Variants in ERICH3 observed in about 807,000 individuals in gnomAD.
ERICH3 encodes glutamate rich 3.
In ERICH3, 126 loss-of-function variants were observed where a neutral mutation model predicts 131.1. The ratio of observed to expected loss-of-function variants is 0.96; its 90% confidence interval spans 0.83 to 1.11. ERICH3 has a LOEUF of 1.11. Among genes scored for constraint, ERICH3 ranks in the 50% most tolerant of loss-of-function variants. ERICH3 has a pLI of 0.00. For synonymous variants in ERICH3, 695 were observed against 644.6 expected (o/e 1.08, Z -1.18); for missense variants, 2,050 against 1,810.7 (o/e 1.13, Z -2.40).
At chr1:74,604,833 G>A (rs1265585597) in intron 10 of ERICH3, among the ~76,000 whole-genome samples, 4 of 151,852 alleles carry the variant, frequency 2.6e-5, no homozygotes, top group Non-Finnish European at 4.4e-5. Context: ...AAGGCTTAAG[G>A]GCCCTAGGAT....
intron 6 of ERICH3, among the ~76,000 whole-genome samples, chr1:74,635,431 T>C (rs534916045): frequency 1.3e-5 from 2 of 152,314 alleles, no homozygotes; most frequent in Admixed American, 1.3e-4. Context: ...TGAAACACAA[T>C]CACTTGTCTG....
intron 6 of ERICH3, among the ~76,000 whole-genome samples, chr1:74,634,010 C>T (rs1646364780): frequency 6.6e-6 from 1 of 152,046 alleles, no homozygotes; most frequent in Non-Finnish European, 1.5e-5. Flanking sequence ...TGCTACTTAG[C>T]AAAGTTCAAC....
rs959129422 is a variant in ERICH3 at position 74,646,787 on chromosome 1, T to C, written c.123A>G (p.Thr41=). The change falls in exon 3 of 15, where the codon ACA becomes ACG. Residue 41 remains threonine (T), a synonymous_variant. Coordinates refer to ENST00000326665, the MANE Select transcript of ERICH3 (RefSeq NM_001002912.5). The part of the protein sequence containing the change: ...RRHLLRSGLI[T]RSGRILSEKE... ...TTTCAGAAAGTATTCTTCCACTTCT[T>C]GTGATCTGTCATGAATAAATAAAAT... The C allele has an allele frequency of 5.5e-6, 8 of 1,466,348 alleles. No individual in the cohort carries two copies. Among genetic ancestry groups the C allele is most frequent in the African/African-American group, 1.4e-5 (1 of 70,282 alleles). The allele number at this position is 1,466,348 out of a possible 1,614,324, so 90.8% of individuals were successfully genotyped here.
At chr1:74,654,436 G>C (rs761486666) in intron 1 of ERICH3, among the ~76,000 whole-genome samples, 10 of 151,946 alleles carry the variant, frequency 6.6e-5, no homozygotes, top group Non-Finnish European at 1.0e-4. Context: ...TTTCTTTGGG[G>C]CTGCTCTAAC....
chr1:74,635,097 C>T (rs1347766144), intron 6 of ERICH3, among the ~76,000 whole-genome samples: 1 of 152,022 alleles, frequency 6.6e-6, no homozygotes, highest in South Asian at 2.1e-4. Context: ...GTTTTGAGTT[C>T]GTTTAGTTAG....
At chr1:74,580,454 T>C (rs1557666637) in intron 12 of ERICH3, among the ~76,000 whole-genome samples, 1 of 152,208 alleles carries the variant, frequency 6.6e-6, no homozygotes, top group South Asian at 2.1e-4. Flanking sequence ...TCCTGGAATA[T>C]GAATTGCTAT....
At chr1:74,577,872 T>C (rs1647097264) in intron 12 of ERICH3, among the ~76,000 whole-genome samples, 1 of 152,224 alleles carries the variant, frequency 6.6e-6, no homozygotes, top group Admixed American at 6.5e-5. Flanking sequence ...TTTTCTAAAT[T>C]GCTAAAACTA....
intron 1 of ERICH3, among the ~76,000 whole-genome samples, chr1:74,658,150 G>C (rs1054155293): frequency 2.0e-5 from 3 of 152,128 alleles, no homozygotes; most frequent in Admixed American, 2.0e-4. Flanking sequence ...GCAGATCCAG[G>C]ATTCAAACCA....
rs545407951 is a variant in ERICH3 at position 74,655,773 on chromosome 1, G to A, written c.24-6458C>T. 5.9e-5 allele frequency among the ~76,000 whole-genome samples: 9 copies of A among 152,244 alleles called. No homozygotes were observed. In the East Asian group the frequency reaches 1.2e-3, roughly 20 times the overall value. ...GTCTCTCCCATAAGCCTGATGCCAG[G>A]AGCAGAAACATTGGACACTGAATGT... On this transcript the variant is annotated intron_variant, in intron 1 of 14. Transcript: ENST00000326665.
chr1:74,585,914 GC>G (rs1014189397), intron 12 of ERICH3, among the ~76,000 whole-genome samples: 4 of 151,860 alleles, frequency 2.6e-5, no homozygotes, highest in African/African-American at 9.7e-5. Flanking sequence ...GAAAACATTA[GC>G]CCCCCAACTG....
At chr1:74,627,317 C>A (rs1649450934) in intron 7 of ERICH3, among the ~76,000 whole-genome samples, 1 of 151,748 alleles carries the variant, frequency 6.6e-6, no homozygotes, top group African/African-American at 2.4e-5. Context: ...AGGAGTAGGA[C>A]AAGAGGTGAA....
chr1:74,644,404 A>G (rs1646464746), intron 3 of ERICH3, among the ~76,000 whole-genome samples: 1 of 152,086 alleles, frequency 6.6e-6, no homozygotes, highest in Non-Finnish European at 1.5e-5. Flanking sequence ...CTTCTGGGTC[A>G]AACCTAATTT....
At chr1:74,665,056 C>G (rs1040656555) in intron 1 of ERICH3, among the ~76,000 whole-genome samples, 24 of 151,966 alleles carry the variant, frequency 1.6e-4, no homozygotes, top group Non-Finnish European at 2.9e-4. Flanking sequence ...GAGATGGGTT[C>G]TTTAGGAGTT....
rs1198104795 is a variant in ERICH3, at chr1:74,572,850, C to T, written c.2860G>A (p.Glu954Lys). Residue 954 changes from glutamate (E) to lysine (K), a missense_variant, in exon 14 of 15, where the codon GAG becomes AAG. Glu to Lys is a moderately conservative substitution (Grantham distance 56, BLOSUM62 1). Coordinates refer to ENST00000326665, the MANE Select transcript of ERICH3 (RefSeq NM_001002912.5). ...ESEEEASIDL[E>K]DTGPMEDTAS... ...GTGTCCTCCATGGGTCCTGTGTCCT[C>T]TAGGTCTATGGATGCTTCCTCTTCA... 6.2e-7 allele frequency: 1 copy of T among 1,613,882 alleles called. No homozygotes were observed. Among genetic ancestry groups the T allele is most frequent in the Non-Finnish European group, 8.5e-7 (1 of 1,180,016 alleles).
intron 1 of ERICH3, among the ~76,000 whole-genome samples, chr1:74,659,623 T>C (rs1414227425): frequency 1.3e-5 from 2 of 152,206 alleles, no homozygotes; most frequent in African/African-American, 4.8e-5. Context: ...AGAATGGTAG[T>C]GAAGTATAGT....
At chr1:74,666,543 T>G (rs1045288423) in intron 1 of ERICH3, among the ~76,000 whole-genome samples, 4 of 152,194 alleles carry the variant, frequency 2.6e-5, no homozygotes, top group African/African-American at 9.6e-5. Context: ...AGCTCTCAGG[T>G]GAATTACTTT....
At chr1:74,629,570 C>T (rs1476765084) in intron 7 of ERICH3, among the ~76,000 whole-genome samples, 1 of 152,134 alleles carries the variant, frequency 6.6e-6, no homozygotes, top group Non-Finnish European at 1.5e-5. Flanking sequence ...GAAGAGGCTG[C>T]TGCTCCCTCC....
At chr1:74,595,581 CAT>C (rs1407392830) in intron 11 of ERICH3, among the ~76,000 whole-genome samples, 1 of 152,000 alleles carries the variant, frequency 6.6e-6, no homozygotes, top group Non-Finnish European at 1.5e-5. Context: ...ACAATCAAAT[CAT>C]GTGTCACATT....
intron 7 of ERICH3, 41 bp downstream of exon 7, chr1:74,631,672 C>A: frequency 2.7e-6 from 4 of 1,502,838 alleles, no homozygotes; most frequent in South Asian, 1.1e-5. Flanking sequence ...GCAATGTAAT[C>A]TGAGATAAAT....
Sources: gnomAD v4.1 joint callset for allele counts (sites outside exome capture counted in the v4.1 genomes callset) on GRCh38, gnomAD v4.1.1 for gene constraint, MANE v1.5 for transcripts, NCBI Gene and HGNC (gene_info 2026-07-23, HGNC 2026-07-21) for gene names.